Variants in DNAH5 observed in about 807,000 individuals in gnomAD.
The protein encoded by DNAH5 is dynein axonemal heavy chain 5, also known as axonemal beta dynein heavy chain 5.
Under a neutral mutation model 518.2 loss-of-function variants are expected in DNAH5, and 372 were observed. The ratio of observed to expected loss-of-function variants is 0.72; its 90% CI spans 0.66 to 0.78. The LOEUF (loss-of-function observed/expected upper bound fraction) is 0.78, where lower values mean the gene tolerates loss of function less well. Among genes scored for constraint, DNAH5 ranks in the 30% least tolerant of loss-of-function variants. The probability of loss-of-function intolerance (pLI) is 0.00; values close to 1 mark genes in which losing one functional copy is unlikely to be tolerated. For missense variants in DNAH5, 5,523 were observed against 5,687.0 expected (o/e 0.97, Z 0.93); for synonymous variants, 2,039 against 2,025.9 (o/e 1.01, Z -0.17).
intron 21 of DNAH5, among the ~76,000 whole-genome samples, chr5:13,882,248 A>G (rs960392886): frequency 6.6e-6 from 1 of 152,002 alleles, no homozygotes; most frequent in Non-Finnish European, 1.5e-5. Context: ...ACTAATACCA[A>G]TATTTCTCTA....
intron 35 of DNAH5, among the ~76,000 whole-genome samples, chr5:13,835,155 C>T (rs571339390): frequency 3.3e-5 from 5 of 151,944 alleles, no homozygotes; most frequent in East Asian, 1.9e-4. Context: ...CATGATGGCA[C>T]GCACCTGTAG....
rs762437869 is a variant in DNAH5 at position 13,817,651 on chromosome 5, C to T, written c.6885G>A (p.Ala2295=). 1.1e-5 allele frequency: 17 copies of T among 1,614,060 alleles called. No individual in the cohort carries two copies. The highest frequency in any genetic ancestry group is 2.7e-5 in the African/African-American group (2 of 74,920). The part of the protein sequence containing the change: ...PHREMRMNPK[A]ITAPQMFGRL... ...GACCAAACATCTGTGGGGCAGTAAT[C>T]GCTTTGGGATTCATCCTCATTTCCC... Residue 2295 remains alanine, a synonymous_variant, in exon 42 of 79, where the codon GCG becomes GCA. Transcript: ENST00000265104.
At chr5:13,988,305 G>A (rs1783203499) in intron 1 of DNAH5, among the ~76,000 whole-genome samples, 1 of 152,172 alleles carries the variant, frequency 6.6e-6, no homozygotes, top group Non-Finnish European at 1.5e-5. Context: ...TTCTGGAGAG[G>A]GAGGCATTTG....
chr5:13,962,507 C>T (rs1282257540), intron 1 of DNAH5, among the ~76,000 whole-genome samples: 2 of 152,124 alleles, frequency 1.3e-5, no homozygotes, highest in Admixed American at 1.3e-4. Context: ...GAAACTGAAC[C>T]AGACACTTCC....
chr5:13,923,639 A>G (rs1376568649), intron 3 of DNAH5, among the ~76,000 whole-genome samples, 199 bp from the exon 4 acceptor site: 1 of 152,182 alleles, frequency 6.6e-6, no homozygotes, highest in Non-Finnish European at 1.5e-5. Flanking sequence ...TCATAGGTTC[A>G]CTTCAAAACT....
At chr5:13,811,904 A>T in intron 43 of DNAH5, 81 bp from the exon 44 acceptor site, 1 of 1,243,670 alleles carries the variant, frequency 8.0e-7, no homozygotes, top group Non-Finnish European at 1.2e-6. Context: ...AAATTTTAAA[A>T]GTATCTGTTA....
intron 53 of DNAH5, 147 bp from the exon 54 acceptor site, chr5:13,777,502 G>T: frequency 5.1e-6 from 3 of 591,538 alleles, no homozygotes; most frequent in Admixed American, 3.2e-5. Context: ...GAATGTTACT[G>T]GTTAATTTTT....
At position 13,737,284 on chromosome 5, in the gene DNAH5, T is replaced by C; in HGVS notation, c.11423A>G (p.Gln3808Arg). The C allele has an allele frequency of 6.2e-7, 1 of 1,614,124 alleles. No individual in the cohort carries two copies. ...KLEISAETEV[Q>R]INSAREEYRP... Reference sequence around the variant, plus strand: ...GTATTCCTCCCGGGCTGAGTTAATTTGAACTTCTGTCTCAGCAGAAATTTC... The same window carrying C: ...GTATTCCTCCCGGGCTGAGTTAATTCGAACTTCTGTCTCAGCAGAAATTTC... Residue 3808 changes from glutamine to arginine, a missense_variant, in exon 66 of 79, where the codon CAA becomes CGA. Transcript: ENST00000265104.
At chr5:13,776,740 C>T (rs1754148819) in intron 54 of DNAH5, 34 bp from the exon 55 acceptor site, 32 of 1,609,992 alleles carry the variant, frequency 2.0e-5, no homozygotes, top group Non-Finnish European at 2.6e-5. Context: ...AAATTCAGTA[C>T]ACACATAGGA....
chr5:13,725,268 A>AT lies in DNAH5; in HGVS notation c.12033+2238dup, dbSNP rs546074361. ...GAGAAGGCTCCCTTGTGAAAGAAGCATTTAAGCTGTTGCTTGGATGATGAG... is the reference window on the plus strand; with the variant it reads ...GAGAAGGCTCCCTTGTGAAAGAAGCATTTTAAGCTGTTGCTTGGATGATGAG... On this transcript the variant is annotated intron_variant, in intron 70 of 78. Coordinates refer to ENST00000265104, the MANE Select transcript of DNAH5 (RefSeq NM_001369.3). Among the ~76,000 whole-genome samples the AT allele has an allele frequency of 1.9e-3, 288 of 152,352 alleles. 2 individuals carry two copies. Among genetic ancestry groups the AT allele is most frequent in the African/African-American group, 6.4e-3 (265 of 41,586 alleles).
At chr5:13,958,995 G>A (rs528749610) in intron 1 of DNAH5, among the ~76,000 whole-genome samples, 1 of 152,312 alleles carries the variant, frequency 6.6e-6, no homozygotes, top group East Asian at 1.9e-4. Context: ...GTCTCCATCT[G>A]TCACCCAGGC....
In DNAH5 at chr5:13,908,641, C is replaced by T. The variant is rs564547001; in HGVS notation, c.1644+2745G>A. Among the ~76,000 whole-genome samples the T allele has an allele frequency of 4.6e-5, 7 of 152,306 alleles. No individual in the cohort carries two copies. The South Asian group carries it at 1.4e-3, about 32-fold the overall frequency. On this transcript the variant is annotated intron_variant, in intron 12 of 78. Transcript: ENST00000265104. ...TAACTCAGCTTGCCACCTCAACACCCATCCTTTACTAAGTAGTGCCTTCTC... is the reference window on the plus strand; with the variant it reads ...TAACTCAGCTTGCCACCTCAACACCTATCCTTTACTAAGTAGTGCCTTCTC...
intron 76 of DNAH5, among the ~76,000 whole-genome samples, chr5:13,705,205 A>G (rs1447794076): frequency 1.3e-5 from 2 of 152,132 alleles, no homozygotes; most frequent in East Asian, 3.9e-4. Flanking sequence ...CGTGCTAGCC[A>G]GGATGGTCTT....
At chr5:13,906,319 G>T (rs1775284763) in intron 12 of DNAH5, among the ~76,000 whole-genome samples, 1 of 152,046 alleles carries the variant, frequency 6.6e-6, no homozygotes, top group Admixed American at 6.6e-5. Context: ...CCCTATCAGG[G>T]GATGTTCATA....
intron 1 of DNAH5, among the ~76,000 whole-genome samples, chr5:13,989,584 C>T (rs967618331): frequency 4.0e-5 from 6 of 151,232 alleles, no homozygotes; most frequent in East Asian, 1.9e-4. Flanking sequence ...CCCGGGTTCA[C>T]GCCGTTCTCC....
At chr5:13,861,368 A>T (rs1015877731) in intron 29 of DNAH5, among the ~76,000 whole-genome samples, 4 of 152,314 alleles carry the variant, frequency 2.6e-5, no homozygotes, top group African/African-American at 4.8e-5. Flanking sequence ...AATAAGAGAA[A>T]TTTTTTTGAA....
rs893106909 is a variant in DNAH5, at chr5:13,903,208, A to C, written c.1645-1070T>G. On this transcript the variant is annotated intron_variant, in intron 12 of 78. Coordinates refer to ENST00000265104, the MANE Select transcript of DNAH5 (RefSeq NM_001369.3). ...AAGGGGAACATAATTACAATTCAAA[A>C]TACAATAGATGCAAATTATAAACAC... 3.9e-5 allele frequency among the ~76,000 whole-genome samples: 6 copies of C among 152,306 alleles called. No homozygotes were observed. The Middle Eastern group carries it at 0.02, about 518-fold the overall frequency.
chr5:13,724,263 A>G (rs1745432208), intron 70 of DNAH5, among the ~76,000 whole-genome samples: 1 of 152,202 alleles, frequency 6.6e-6, no homozygotes, highest in Admixed American at 6.5e-5. Context: ...GTCAAAGGAA[A>G]TTATTTTGGA....
chr5:13,833,496 G>GAAT (rs57261803), intron 35 of DNAH5, among the ~76,000 whole-genome samples: 61,091 of 149,230 alleles, frequency 0.41, 12,905 homozygotes, highest in East Asian at 0.61. Flanking sequence ...GTGATAGCAA[G>GAAT]AATAATAATA....
Sources: gnomAD v4.1 joint callset for allele counts (sites outside exome capture counted in the v4.1 genomes callset) on GRCh38, gnomAD v4.1.1 for gene constraint, MANE v1.5 for transcripts, NCBI Gene and HGNC (gene_info 2026-07-23, HGNC 2026-07-21) for gene names.